MAN2C1: variants seen among roughly 807,000 people sequenced by gnomAD.
The protein encoded by MAN2C1 is mannosidase alpha class 2C member 1.
A neutral mutation model predicts 126.9 loss-of-function variants in MAN2C1; 111 were observed. That is an observed-to-expected ratio of 0.87 (90% CI 0.75 to 1.02). The LOEUF is 1.02. Among genes scored for constraint, MAN2C1 ranks in the 50% least tolerant of loss-of-function variants. MAN2C1 has a pLI of 0.00. For missense variants in MAN2C1, 1,363 were observed against 1,364.4 expected (o/e 1.00, Z 0.02); for synonymous variants, 567 against 561.5 (o/e 1.01, Z -0.14).
chr15:75,359,690 G>A lies in MAN2C1; in HGVS notation c.1878C>T (p.Ile626=), dbSNP rs150651486. 32 of 1,614,062 alleles carry A rather than the reference G, an allele frequency of 2.0e-5. No individual in the cohort carries two copies. The highest frequency in any genetic ancestry group is 5.3e-5 in the African/African-American group (4 of 74,952). Residue 626 remains isoleucine, a synonymous_variant, in exon 16 of 26, where the codon ATC becomes ATT. Coordinates refer to ENST00000267978, the MANE Select transcript of MAN2C1 (RefSeq NM_006715.4). ...AGEPGPEGLL[I]VNTLPWKRIE... is the part of the protein sequence containing the mutation. ...TCCGCTTCCAGGGCAGTGTGTTGAC[G>A]ATGAGGAGGCCCTCAGGACCTGGCT...
intron 13 of MAN2C1, 48 bp downstream of exon 13, chr15:75,360,517 A>T (rs1371341095): frequency 6.2e-7 from 1 of 1,603,920 alleles, no homozygotes; most frequent in African/African-American, 1.3e-5. Context: ...GACCCTCTGC[A>T]GATCAAGGGC....
At chr15:75,365,165 T>A (rs1469585398) in intron 4 of MAN2C1, among the ~76,000 whole-genome samples, 1 of 152,170 alleles carries the variant, frequency 6.6e-6, no homozygotes, top group Admixed American at 6.5e-5. Flanking sequence ...CGCTGCTAAG[T>A]CTAGAGCAAA....
In MAN2C1 at chr15:75,361,903, CA is replaced by C; in HGVS notation, c.1052del (p.Leu351CysfsTer47). On this transcript the variant is annotated frameshift_variant, in exon 9 of 26. Transcript: ENST00000267978. LOFTEE classifies it high-confidence loss of function. This position sits in a 1 kb window ranked among gnomAD's most constrained non-coding sequence, Gnocchi z 5.0. ...CCTGCAGAAAGAAGTTCTGGCCCTG[CA>C]AAAACTGCCTCACCATGGCCTCTCC... ...PSGEAMVRQF[L>X]QGQNFFLQEF... The C allele has an allele frequency of 6.2e-7, 1 of 1,614,120 alleles. No individual in the cohort carries two copies. Among genetic ancestry groups the C allele is most frequent in the Non-Finnish European group, 8.5e-7 (1 of 1,180,024 alleles).
chr15:75,367,724 C>A (rs928682210), intron 2 of MAN2C1, 90 bp from the exon 3 acceptor site: 4 of 1,497,066 alleles, frequency 2.7e-6, no homozygotes, highest in South Asian at 1.2e-5. Context: ...GCTTGAAACT[C>A]TCCAAGCATC....
In MAN2C1 at chr15:75,356,864, G is replaced by A. The variant is rs538576951; in HGVS notation, c.2586C>T (p.Gly862=). ...AGTCGTTGAGCAGGGCCAGCCCAAA[G>A]CCGTGTTCTGACAGATCCATCCAGC... ...AHRWMDLSEH[G]FGLALLNDCK... The change falls in exon 22 of 26, where the codon GGC becomes GGT. Residue 862 remains glycine (G), a synonymous_variant. Transcript: ENST00000267978. The surrounding 1 kb of genome is among the most constrained non-coding windows in gnomAD (Gnocchi z 5.8). 3 of 1,614,152 alleles carry A rather than the reference G, an allele frequency of 1.9e-6. No individual in the cohort carries two copies. Among genetic ancestry groups the A allele is most frequent in the South Asian group, 2.2e-5 (2 of 91,088 alleles).
rs899374231 is a variant in MAN2C1, at chr15:75,362,956, A to G, written c.791-208T>C. The G allele has an allele frequency of 1.7e-6, 1 of 571,444 alleles. No homozygotes were observed. Among genetic ancestry groups the G allele is most frequent in the African/African-American group, 1.9e-5 (1 of 53,122 alleles). 35.4% of individuals were successfully genotyped at this position (571,444 alleles called of 1,614,324 possible). The stretch of plus-strand genomic sequence containing the variant: ...AAGGAGGCGGCAGTGCTATGAGGCC[A>G]ATTATACAGGTCAGGAAATGGAGGC... On this transcript the variant is annotated intron_variant, in intron 6 of 25. Transcript: ENST00000267978. The surrounding 1 kb of genome is among the most constrained non-coding windows in gnomAD (Gnocchi z 4.5).
At position 75,362,652 on chromosome 15, in the gene MAN2C1, G is replaced by A; in HGVS notation, c.887C>T (p.Ala296Val). 1.2e-6 allele frequency: 2 copies of A among 1,614,082 alleles called. No individual in the cohort carries two copies. The highest frequency in any genetic ancestry group is 1.7e-6 in the Non-Finnish European group (2 of 1,179,982). ...AGCTGTCCCTCTGACCTGGGAGCAG[G>A]CAAAGATGAACTCAGGGTTCCGCTC... is the stretch of plus-strand genomic sequence containing the variant. ...LMERNPEFIF[A>V]CSQAQQLEWV... The change falls in exon 7 of 26, where the codon GCC becomes GTC. Residue 296 changes from alanine to valine, a missense_variant. This residue lies in a region of MAN2C1 where 628 missense variants were observed against 609.8 expected (regional missense o/e 1.03). Transcript: ENST00000267978. The surrounding 1 kb of genome is among the most constrained non-coding windows in gnomAD (Gnocchi z 4.5).
intron 2 of MAN2C1, 198 bp downstream of exon 2, chr15:75,367,875 G>T: frequency 1.1e-6 from 1 of 902,992 alleles, no homozygotes; most frequent in Non-Finnish European, 1.6e-6. Context: ...AGGCGGCCAC[G>T]TGGGAATGAA....
Position 75,362,533 on chromosome 15 carries a change from G to C in MAN2C1, c.898-80C>G. 3.3e-6 allele frequency: 5 copies of C among 1,521,232 alleles called. No individual in the cohort carries two copies. The South Asian group carries it at 5.8e-5, about 18-fold the overall frequency. The allele number at this position is 1,521,232 out of a possible 1,614,324, so 94.2% of individuals were successfully genotyped here. A position where few individuals can be genotyped will look rare whatever the true frequency, so the allele number is the denominator to read the frequency against. ...CTGAGCATATGGGACTCAGTGTGTGGCTGAGGGTGAGGAGCAGCCCTGACC... is the reference window on the plus strand; with the variant it reads ...CTGAGCATATGGGACTCAGTGTGTGCCTGAGGGTGAGGAGCAGCCCTGACC... On this transcript the variant is annotated intron_variant, in intron 7 of 25. Coordinates refer to ENST00000267978, the MANE Select transcript of MAN2C1 (RefSeq NM_006715.4). The surrounding 1 kb of genome is among the most constrained non-coding windows in gnomAD (Gnocchi z 4.5).
intron 1 of MAN2C1, 125 bp from the exon 2 acceptor site, chr15:75,368,323 G>C: frequency 6.9e-7 from 1 of 1,454,816 alleles, no homozygotes; most frequent in Non-Finnish European, 9.2e-7. Flanking sequence ...CCGCTCCGCG[G>C]CACAGTCCAT....
At chr15:75,360,784 G>A (rs1281146167) in intron 12 of MAN2C1, 96 bp from the exon 13 acceptor site, 8 of 1,499,396 alleles carry the variant, frequency 5.3e-6, no homozygotes, top group Admixed American at 1.9e-5. Context: ...CTACAGAGAG[G>A]AGCCACTCCA....
intron 1 of MAN2C1, 21 bp from the exon 2 acceptor site, chr15:75,368,219 G>C: frequency 6.3e-7 from 1 of 1,590,138 alleles, no homozygotes; most frequent in Non-Finnish European, 8.5e-7. Flanking sequence ...CGGGCCGGTG[G>C]GCACATGCTG....
rs1339938667 is a variant in MAN2C1 at position 75,362,069 on chromosome 15, A to C, written c.1009-122T>G. On this transcript the variant is annotated intron_variant, in intron 8 of 25. Coordinates refer to ENST00000267978, the MANE Select transcript of MAN2C1 (RefSeq NM_006715.4). The surrounding 1 kb of genome is among the most constrained non-coding windows in gnomAD (Gnocchi z 4.5). ...CTGCTCAAACATGGGAGTTACAGCC[A>C]GAACTCAGGAAGGGCCCCTGTCCTT... 3 of 789,482 alleles carry C rather than the reference A, an allele frequency of 3.8e-6. No individual in the cohort carries two copies. The highest frequency in any genetic ancestry group is 6.4e-6 in the Non-Finnish European group (3 of 468,588). The allele number at this position is 789,482 out of a possible 1,614,324, so 48.9% of individuals were successfully genotyped here.
rs1187720072 is a variant in MAN2C1, at chr15:75,358,560, C to A, written c.2305G>T (p.Gly769Cys). 5.0e-6 allele frequency: 8 copies of A among 1,613,324 alleles called. No homozygotes were observed. The highest frequency in any genetic ancestry group is 6.8e-6 in the Non-Finnish European group (8 of 1,180,030). The change falls in exon 20 of 26, where the codon GGC becomes TGC. Residue 769 changes from glycine (G) to cysteine (C), a missense_variant. By Grantham distance (159) the Gly-to-Cys change is radical. This residue lies in a region of MAN2C1 where 668 missense variants were observed against 650.1 expected (regional missense o/e 1.03). Coordinates refer to ENST00000267978, the MANE Select transcript of MAN2C1 (RefSeq NM_006715.4). ...LAVGTEGGLR[G>C]SAWFLLQISP... is the part of the protein sequence containing the mutation. The stretch of plus-strand genomic sequence containing the variant: ...ATCTGTAGCAAGAACCAGGCGCTGC[C>A]CCGCAGGCCGCCCTCGGTGCCCACT...
rs1234829769 is a variant in MAN2C1, at chr15:75,361,085, T to C, written c.1421A>G (p.Asp474Gly). Residue 474 changes from aspartate to glycine, a missense_variant, in exon 12 of 26, where the codon GAC becomes GGC. Asp to Gly is a moderately conservative substitution (Grantham distance 94, BLOSUM62 -1). Coordinates refer to ENST00000267978, the MANE Select transcript of MAN2C1 (RefSeq NM_006715.4). This position sits in a 1 kb window ranked among gnomAD's most constrained non-coding sequence, Gnocchi z 5.0. The stretch of plus-strand genomic sequence containing the variant: ...CGTATTGCTCAGGCGCTTCAGGCGG[T>C]CCAGCATGGTCTGGGTGGGGCCACC... Reference protein sequence around the residue: ...GGGGPTQTMLDRLKRLSNTDG... With the variant: ...GGGGPTQTMLGRLKRLSNTDG... 6.2e-7 allele frequency: 1 copy of C among 1,612,192 alleles called. No homozygotes were observed. Among genetic ancestry groups the C allele is most frequent in the Admixed American group, 1.7e-5 (1 of 59,736 alleles).
In MAN2C1 at chr15:75,360,701, C is replaced by T. The variant is rs1212256713; in HGVS notation, c.1461-13G>A. On this transcript the variant is annotated splice_polypyrimidine_tract_variant and intron_variant, in intron 12 of 25. Coordinates refer to ENST00000267978, the MANE Select transcript of MAN2C1 (RefSeq NM_006715.4). ...AGATAGCTGCACCCTGAGGAGACCA[C>T]AAGCCTAGGTCTCCCAGCCTTGGAG... 1.2e-6 allele frequency: 2 copies of T among 1,612,568 alleles called. No individual in the cohort carries two copies. Among genetic ancestry groups the T allele is most frequent in the Non-Finnish European group, 1.7e-6 (2 of 1,179,624 alleles).
chr15:75,364,921 C>T (rs1483469446), intron 4 of MAN2C1, among the ~76,000 whole-genome samples: 1 of 152,226 alleles, frequency 6.6e-6, no homozygotes, highest in Non-Finnish European at 1.5e-5. Context: ...GCTGTTTAGT[C>T]TTATATTTCC....
intron 13 of MAN2C1, 70 bp from the exon 14 acceptor site, chr15:75,360,281 C>A: frequency 6.3e-7 from 1 of 1,580,836 alleles, no homozygotes; most frequent in Non-Finnish European, 8.6e-7. Context: ...AAAGCCCTCC[C>A]TTGCTCAGAA....
In MAN2C1 at chr15:75,361,416, C is replaced by CCAGAGTCAGGGCTGAGG. The variant is rs1165184047; in HGVS notation, c.1219-52_1219-36dup. ...GGGAAACAGAAGCAGGGCAGAGAGGCCAGAGTCAGGGCTGAGGCAGAGCCA... is the reference window on the plus strand; with the variant it reads ...GGGAAACAGAAGCAGGGCAGAGAGGCCAGAGTCAGGGCTGAGGCAGAGTCAGGGCTGAGGCAGAGCCA... On this transcript the variant is annotated intron_variant, in intron 10 of 25. Transcript: ENST00000267978. This position sits in a 1 kb window ranked among gnomAD's most constrained non-coding sequence, Gnocchi z 5.0. 2 of 1,508,276 alleles carry CCAGAGTCAGGGCTGAGG rather than the reference C, an allele frequency of 1.3e-6. No individual in the cohort carries two copies. The highest frequency in any genetic ancestry group is 1.8e-6 in the Non-Finnish European group (2 of 1,099,704). The allele number at this position is 1,508,276 out of a possible 1,614,324, so 93.4% of individuals were successfully genotyped here.
Sources: allele counts gnomAD v4.1 joint callset (sites outside exome capture counted in the v4.1 genomes callset), GRCh38; gene constraint gnomAD v4.1.1; regional missense constraint gnomAD v4.1.1; non-coding constraint Gnocchi (gnomAD v3.1); transcripts MANE v1.5; gene names NCBI Gene and HGNC (gene_info 2026-07-23, HGNC 2026-07-21).